The following LMBRD2 variants were observed in gnomAD, a reference collection of about 807,000 sequenced individuals.
The protein encoded by LMBRD2 is G protein-coupled receptor-associated protein LMBRD2.
Under a neutral mutation model 94.4 loss-of-function variants are expected in LMBRD2, and 55 were observed. The ratio of observed to expected loss-of-function variants is 0.58; its 90% CI spans 0.47 to 0.73. The LOEUF (loss-of-function observed/expected upper bound fraction) is 0.73, where lower values mean the gene tolerates loss of function less well. LMBRD2 is among the 30% of genes least tolerant of loss of function. The probability of loss-of-function intolerance (pLI) is 0.00; values close to 1 mark genes in which losing one functional copy is unlikely to be tolerated. For synonymous variants in LMBRD2, 246 were observed against 272.4 expected, an observed-to-expected ratio of 0.90 and a Z score of 0.95; for missense variants, 640 against 831.9, an observed-to-expected ratio of 0.77 and a Z score of 2.84.
chr5:36,119,420 G>A (rs540921503), intron 9 of LMBRD2, among the ~76,000 whole-genome samples: 24 of 151,772 alleles, frequency 1.6e-4, no homozygotes, highest in South Asian at 6.2e-4. Context: ...ACATTTTACC[G>A]TTATTTAACA....
intron 6 of LMBRD2, among the ~76,000 whole-genome samples, chr5:36,129,337 T>C (rs1744079963): frequency 6.6e-6 from 1 of 151,608 alleles, no homozygotes; most frequent in Non-Finnish European, 1.5e-5. Context: ...AGGTCAAGGA[T>C]AAAGAAAGGA....
At chr5:36,133,666 T>A (rs1744205778) in intron 6 of LMBRD2, among the ~76,000 whole-genome samples, 1 of 152,160 alleles carries the variant, frequency 6.6e-6, no homozygotes, top group African/African-American at 2.4e-5. Context: ...GTGTACTTAC[T>A]GCTATTTTCA....
intron 13 of LMBRD2, 80 bp downstream of exon 13, chr5:36,114,344 A>G: frequency 6.9e-7 from 1 of 1,456,870 alleles, no homozygotes; most frequent in Non-Finnish European, 9.1e-7. Context: ...AAACTCAATC[A>G]GTAAATATTT....
intron 6 of LMBRD2, among the ~76,000 whole-genome samples, chr5:36,130,462 A>T (rs953943093): frequency 1.3e-5 from 2 of 152,146 alleles, no homozygotes; most frequent in African/African-American, 2.4e-5. Context: ...AGAAGTTAAA[A>T]CATACCACCA....
chr5:36,117,759 T>A lies in LMBRD2; in HGVS notation c.1278A>T (p.Lys426Asn). 1 of 1,606,570 alleles carries A rather than the reference T, an allele frequency of 6.2e-7. No homozygotes were observed. Among genetic ancestry groups the A allele is most frequent in the South Asian group, 1.1e-5 (1 of 89,000 alleles). ...CCTCGATATAAATATAATTATATGTTTTTTCTGCCAGCTGTATGAAGACCG... is the reference window on the plus strand; with the variant it reads ...CCTCGATATAAATATAATTATATGTATTTTCTGCCAGCTGTATGAAGACCG... ...LFAVFIQLAEKTYNYIYIEIA... is the reference protein window; with the variant it reads ...LFAVFIQLAENTYNYIYIEIA... Residue 426 changes from lysine to asparagine, a missense_variant, in exon 10 of 18, where the codon AAA becomes AAT. Around this residue, in one of 2 missense-constraint regions of LMBRD2, gnomAD observed 457 missense variants for 642.8 expected, o/e 0.71. Transcript: ENST00000296603.
At chr5:36,145,630 A>T (rs1462402884) in intron 1 of LMBRD2, among the ~76,000 whole-genome samples, 2 of 152,158 alleles carry the variant, frequency 1.3e-5, no homozygotes, top group East Asian at 1.9e-4. Flanking sequence ...TTTTTTCTTT[A>T]AAAAAACCCA....
intron 6 of LMBRD2, among the ~76,000 whole-genome samples, chr5:36,131,825 A>G (rs1744159378): frequency 6.6e-6 from 1 of 152,206 alleles, no homozygotes; most frequent in Non-Finnish European, 1.5e-5. Context: ...AGAGGACACA[A>G]AAAATAAAAA....
chr5:36,117,461 G>T (rs1743784796), intron 10 of LMBRD2, among the ~76,000 whole-genome samples: 1 of 151,942 alleles, frequency 6.6e-6, no homozygotes, highest in Non-Finnish European at 1.5e-5. Context: ...TCCAGCCTGG[G>T]TGACAGAGCA....
At chr5:36,105,913 G>T (rs1264983936) in intron 16 of LMBRD2, among the ~76,000 whole-genome samples, 1 of 152,082 alleles carries the variant, frequency 6.6e-6, no homozygotes, top group Non-Finnish European at 1.5e-5. Flanking sequence ...TTGTTCAGAG[G>T]AGTCCAAGTA....
chr5:36,143,704 T>G (rs995561659), intron 1 of LMBRD2, among the ~76,000 whole-genome samples: 1 of 152,160 alleles, frequency 6.6e-6, no homozygotes, highest in Admixed American at 6.5e-5. Context: ...TGTGAACAGT[T>G]TTAATACAGT....
At chr5:36,116,893 C>T (rs1019470378) in intron 10 of LMBRD2, among the ~76,000 whole-genome samples, 6 of 152,100 alleles carry the variant, frequency 3.9e-5, no homozygotes, top group African/African-American at 1.4e-4. Context: ...CCAGGCTGGT[C>T]TCAAACTCCT....
chr5:36,124,578 T>C (rs1743966885), intron 6 of LMBRD2, among the ~76,000 whole-genome samples: 1 of 152,122 alleles, frequency 6.6e-6, no homozygotes, highest in Admixed American at 6.6e-5. Context: ...CCTAAAAGAA[T>C]AGGGATATGT....
intron 6 of LMBRD2, 87 bp downstream of exon 6, chr5:36,136,222 C>T (rs1744265983): frequency 1.7e-6 from 2 of 1,210,164 alleles, no homozygotes; most frequent in South Asian, 2.5e-5. Flanking sequence ...CCCATCAATG[C>T]ACTAACAACA....
intron 13 of LMBRD2, among the ~76,000 whole-genome samples, chr5:36,112,889 T>C (rs1405842559): frequency 6.6e-6 from 1 of 152,184 alleles, no homozygotes; most frequent in Non-Finnish European, 1.5e-5. Context: ...AATAAAAACA[T>C]AGTTTTAGGC....
At position 36,105,093 on chromosome 5, in the gene LMBRD2, C is replaced by A. The variant is rs550155841; in HGVS notation, c.2002G>T (p.Asp668Tyr). The A allele has an allele frequency of 4.2e-5, 67 of 1,612,686 alleles. No homozygotes were observed. In the South Asian group the frequency reaches 7.0e-4, roughly 17 times the overall value. ...LDFNAETFTD[D>Y]PLESESGRYQ... ...CTTCCTGATTCAGATTCAAGAGGAT[C>A]ATCAGTGAATGTTTCTGCATTAAAA... is the stretch of plus-strand genomic sequence containing the variant. Residue 668 changes from aspartate (D) to tyrosine (Y), a missense_variant, in exon 17 of 18, where the codon GAT becomes TAT. This residue lies in a region of LMBRD2 where 183 missense variants were observed against 189.1 expected (regional missense o/e 0.97). Coordinates refer to ENST00000296603, the MANE Select transcript of LMBRD2 (RefSeq NM_001007527.2).
At chr5:36,111,542 A>G (rs1017839949) in intron 13 of LMBRD2, among the ~76,000 whole-genome samples, 4 of 152,026 alleles carry the variant, frequency 2.6e-5, no homozygotes, top group African/African-American at 9.7e-5. Flanking sequence ...AAACAATTAT[A>G]CCAAGATGCT....
At chr5:36,142,726 T>TC (rs1430986747) in intron 2 of LMBRD2, 127 bp from the exon 3 acceptor site, 1 of 561,026 alleles carries the variant, frequency 1.8e-6, no homozygotes, top group Non-Finnish European at 3.1e-6. Flanking sequence ...CTTTTTTTTT[T>TC]TTTTTTCTTT....
intron 4 of LMBRD2, among the ~76,000 whole-genome samples, chr5:36,137,778 G>A (rs938447323): frequency 2.0e-5 from 3 of 152,152 alleles, no homozygotes; most frequent in Admixed American, 6.6e-5. Context: ...AGGGGGAAGG[G>A]TGATGATGGT....
At chr5:36,142,656 A>C (rs1744439627) in intron 2 of LMBRD2, 57 bp from the exon 3 acceptor site, 1 of 939,114 alleles carries the variant, frequency 1.1e-6, no homozygotes. Flanking sequence ...CAAGTACTTA[A>C]AGGACATCAG....
Sources: gnomAD v4.1 joint callset for allele counts (sites outside exome capture counted in the v4.1 genomes callset) on GRCh38, gnomAD v4.1.1 for gene constraint, gnomAD v4.1.1 regional missense constraint, MANE v1.5 for transcripts, NCBI Gene and HGNC (gene_info 2026-07-23, HGNC 2026-07-21) for gene names.